The following FGF12 variants were observed in gnomAD, a reference collection of about 807,000 sequenced individuals.
The protein encoded by FGF12 is fibroblast growth factor 12B.
A neutral mutation model predicts 23.6 loss-of-function variants in FGF12; 14 were observed. The ratio of observed to expected loss-of-function variants is 0.59; its 90% CI spans 0.39 to 0.93. The LOEUF (loss-of-function observed/expected upper bound fraction) is 0.93. Among genes scored for constraint, FGF12 ranks in the 40% least tolerant of loss-of-function variants. The probability of loss-of-function intolerance (pLI) is 0.00; values close to 1 mark genes in which losing one functional copy is unlikely to be tolerated. For missense variants in FGF12, 175 were observed against 217.8 expected (o/e 0.80, Z 1.24); for synonymous variants, 62 against 77.3 (o/e 0.80, Z 1.04).
At chr3:192,559,000 A>T (rs1397785138) in intron 2 of FGF12, among the ~76,000 whole-genome samples, 2 of 151,988 alleles carry the variant, frequency 1.3e-5, no homozygotes, top group African/African-American at 4.8e-5. Context: ...TAGAACTCTT[A>T]TAATAAATCA....
intron 2 of FGF12, among the ~76,000 whole-genome samples, chr3:192,366,191 A>G (rs2108739064): frequency 6.6e-6 from 1 of 152,200 alleles, no homozygotes; most frequent in South Asian, 2.1e-4. Context: ...GAGAGGAGAG[A>G]ATAAGGAGGG....
chr3:192,398,319 T>C (rs984736117), intron 2 of FGF12, among the ~76,000 whole-genome samples: 5 of 152,114 alleles, frequency 3.3e-5, no homozygotes, highest in Non-Finnish European at 7.4e-5. Flanking sequence ...CAAATGTTTT[T>C]CCTGGGGTGA....
At chr3:192,276,677 T>C (rs192472363) in intron 4 of FGF12, among the ~76,000 whole-genome samples, 1 of 152,238 alleles carries the variant, frequency 6.6e-6, no homozygotes, top group Admixed American at 6.5e-5. Flanking sequence ...AGGTGGGTGA[T>C]AGAAACCAGA....
intron 2 of FGF12, among the ~76,000 whole-genome samples, chr3:192,711,455 A>G (rs1180103557): frequency 3.3e-5 from 5 of 151,804 alleles, no homozygotes; most frequent in African/African-American, 1.2e-4. Flanking sequence ...TGTACCCAAC[A>G]GCTCATTGAG....
At chr3:192,643,956 C>T (rs552753375) in intron 2 of FGF12, among the ~76,000 whole-genome samples, 2 of 152,226 alleles carry the variant, frequency 1.3e-5, no homozygotes, top group South Asian at 4.1e-4. Context: ...GAAGAGTAAA[C>T]CAAGTGACTT....
At position 192,719,786 on chromosome 3, in the gene FGF12, C is replaced by CA. The variant is rs553013127; in HGVS notation, c.13+7394dup. On this transcript the variant is annotated intron_variant, in intron 2 of 5. Transcript: ENST00000445105. The stretch of plus-strand genomic sequence containing the variant: ...TATAATATGTGAAAGAGACTAAGGG[C>CA]AAAAAAAAAAAAAAAAAAGAAAAAC... 1.1e-3 allele frequency among the ~76,000 whole-genome samples: 112 copies of CA among 102,266 alleles called. 1 individual carries two copies. The highest frequency in any genetic ancestry group is 3.0e-3 in the East Asian group (9 of 3,050). 67.1% of individuals were successfully genotyped at this position (102,266 alleles called of 152,430 possible).
intron 2 of FGF12, among the ~76,000 whole-genome samples, chr3:192,604,194 C>T (rs187919105): frequency 2.2e-4 from 33 of 152,160 alleles, no homozygotes; most frequent in African/African-American, 7.5e-4. Context: ...CCCTAAAAAT[C>T]GCTGTTATTC....
Position 192,335,361 on chromosome 3 carries a change from T to A in FGF12, c.228A>T (p.Ser76=). ...AMNGEGYLYS[S]DVFTPECKFK... is the part of the protein sequence containing the mutation. ...CAAATACACACTACAATGTACTTAC[T>A]GAACTGTAGAGATAGCCTTCACCAT... The change falls in exon 4 of 6, where the codon TCA becomes TCT. Residue 76 remains serine (S), a splice_region_variant and synonymous_variant. Transcript: ENST00000445105. 1 of 1,600,214 alleles carries A rather than the reference T, an allele frequency of 6.2e-7. No individual in the cohort carries two copies. The highest frequency in any genetic ancestry group is 8.6e-7 in the Non-Finnish European group (1 of 1,167,694).
At chr3:192,170,307 A>T in intron 5 of FGF12, 151 bp downstream of exon 5, 3 of 572,328 alleles carry the variant, frequency 5.2e-6, no homozygotes, top group South Asian at 2.4e-5. Flanking sequence ...AAAAAGGAAG[A>T]GATACTATTG....
chr3:192,718,966 A>G (rs1225907299), intron 2 of FGF12, among the ~76,000 whole-genome samples: 2 of 152,116 alleles, frequency 1.3e-5, no homozygotes, highest in African/African-American at 4.8e-5. Context: ...GAAAATAAAA[A>G]TCAATAATGG....
intron 2 of FGF12, among the ~76,000 whole-genome samples, chr3:192,425,701 G>A (rs936751525): frequency 1.3e-5 from 2 of 152,142 alleles, no homozygotes; most frequent in Non-Finnish European, 1.5e-5. Flanking sequence ...GCATTGCTGT[G>A]GAATTTGTGC....
chr3:192,612,148 G>C (rs915444550), intron 2 of FGF12, among the ~76,000 whole-genome samples: 13 of 151,992 alleles, frequency 8.6e-5, no homozygotes, highest in African/African-American at 2.9e-4. Context: ...AAACAAACCA[G>C]TCACAGTAGT....
intron 2 of FGF12, among the ~76,000 whole-genome samples, chr3:192,698,426 T>C (rs1241558784): frequency 3.3e-5 from 5 of 152,142 alleles, no homozygotes; most frequent in Admixed American, 6.5e-5. Context: ...AATACAGGAA[T>C]TACACCAGGT....
At position 192,192,028 on chromosome 3, in the gene FGF12, A is replaced by T. The variant is rs569523479; in HGVS notation, c.229-21372T>A. 9.8e-5 allele frequency among the ~76,000 whole-genome samples: 15 copies of T among 152,324 alleles called. No homozygotes were observed. The South Asian group carries it at 3.1e-3, about 32-fold the overall frequency. The stretch of plus-strand genomic sequence containing the variant: ...TCGTGTGCCTTTCAACACACTAAGC[A>T]TACAACAGTGGTAAAATCTGGTGCT... On this transcript the variant is annotated intron_variant, in intron 4 of 5. Transcript: ENST00000445105.
chr3:192,394,175 C>T (rs1382242876), intron 2 of FGF12, among the ~76,000 whole-genome samples: 6 of 152,094 alleles, frequency 3.9e-5, no homozygotes, highest in African/African-American at 1.2e-4. Context: ...AGTAAATAAA[C>T]GTATTTTCTA....
chr3:192,347,025 T>G (rs1021678035), intron 3 of FGF12, among the ~76,000 whole-genome samples: 1 of 152,152 alleles, frequency 6.6e-6, no homozygotes, highest in Non-Finnish European at 1.5e-5. Flanking sequence ...AGCTTAATGG[T>G]TCACAGACTT....
chr3:192,546,529 C>T (rs1040639486), intron 2 of FGF12, among the ~76,000 whole-genome samples: 2 of 150,812 alleles, frequency 1.3e-5, no homozygotes, highest in African/African-American at 4.9e-5. Flanking sequence ...AAAGAATACA[C>T]CAAAACCACA....
intron 2 of FGF12, 29 bp downstream of exon 2, chr3:192,727,152 G>T: frequency 6.4e-7 from 1 of 1,570,482 alleles, no homozygotes; most frequent in Non-Finnish European, 8.6e-7. Context: ...CATGCAGCGG[G>T]AAGTCCCCCG....
At chr3:192,685,735 G>C (rs980300265) in intron 2 of FGF12, among the ~76,000 whole-genome samples, 2 of 152,134 alleles carry the variant, frequency 1.3e-5, no homozygotes, top group Non-Finnish European at 2.9e-5. Context: ...TGCAATATTT[G>C]AGAAAAATAA....
Sources: gnomAD v4.1 joint callset for allele counts (sites outside exome capture counted in the v4.1 genomes callset) on GRCh38, gnomAD v4.1.1 for gene constraint, MANE v1.5 for transcripts, NCBI Gene and HGNC (gene_info 2026-07-23, HGNC 2026-07-21) for gene names.